Variants in CRYM observed in about 807,000 individuals in gnomAD.
The protein encoded by CRYM is ketimine reductase mu-crystallin.
Under a neutral mutation model 32.9 loss-of-function variants are expected in CRYM, and 18 were observed. The observed-to-expected ratio is 0.55, with a 90% CI of 0.38 to 0.81. The LOEUF is 0.81. CRYM is among the 30% of genes least tolerant of loss of function. CRYM has a pLI of 0.00. For missense variants in CRYM, 337 were observed against 393.5 expected (o/e 0.86, Z 1.21); for synonymous variants, 153 against 152.4 (o/e 1.00, Z -0.03).
At chr16:21,296,961 A>G (rs1216986798) in intron 1 of CRYM, among the ~76,000 whole-genome samples, 2 of 152,076 alleles carry the variant, frequency 1.3e-5, no homozygotes, top group Non-Finnish European at 2.9e-5. Flanking sequence ...GTGAGCCGAG[A>G]TCGCGCCACC....
At chr16:21,265,666 A>G (rs897838964) in intron 5 of CRYM, among the ~76,000 whole-genome samples, 5 of 152,216 alleles carry the variant, frequency 3.3e-5, no homozygotes, top group Admixed American at 6.5e-5. Flanking sequence ...TTCAGTCAGC[A>G]TGTATGATTG....
chr16:21,266,907 T>C (rs984031169), intron 5 of CRYM, among the ~76,000 whole-genome samples: 3 of 151,662 alleles, frequency 2.0e-5, no homozygotes, highest in African/African-American at 7.3e-5. Context: ...CTCGGGAGGC[T>C]GAAGTGGGAG....
chr16:21,279,998 C>T (rs1244812361), upstream of CRYM, among the ~76,000 whole-genome samples: 1 of 152,162 alleles, frequency 6.6e-6, no homozygotes, highest in Non-Finnish European at 1.5e-5. Context: ...AATTTATGCC[C>T]AGAGCCGCTG....
chr16:21,281,526 C>T (rs1047882351), upstream of CRYM, among the ~76,000 whole-genome samples: 5 of 152,082 alleles, frequency 3.3e-5, no homozygotes, highest in Admixed American at 2.0e-4. Context: ...CCACCGTGCC[C>T]GGCTGAAGAT....
At chr16:21,261,837 A>G (rs768787927) in intron 6 of CRYM, 200 bp downstream of exon 6, 1 of 591,554 alleles carries the variant, frequency 1.7e-6, no homozygotes, top group South Asian at 2.0e-5. Flanking sequence ...AGGAACACAC[A>G]TGTCACCACC....
chr16:21,286,220 AT>A (rs35658566), intron 1 of CRYM, among the ~76,000 whole-genome samples: 266 of 145,370 alleles, frequency 1.8e-3, no homozygotes, highest in Admixed American at 3.0e-3. Flanking sequence ...TAAAGACAGA[AT>A]TTTTTTTTTT....
At position 21,269,893 on chromosome 16, in the gene CRYM, T is replaced by C. The variant is rs1284594556; in HGVS notation, c.388-2A>G. 1 of 1,598,574 alleles carries C rather than the reference T, an allele frequency of 6.3e-7. No individual in the cohort carries two copies. The highest frequency in any genetic ancestry group is 8.5e-7 in the Non-Finnish European group (1 of 1,169,596). ...TTCACTGCTGGGAGGTTTCAGAAAC[T>C]ATATGAGAGAAATGAAGTGGCAAAG... On this transcript the variant is annotated splice_acceptor_variant, in intron 3 of 7. Coordinates refer to ENST00000572914, the MANE Select transcript of CRYM (RefSeq NM_001376256.1). LOFTEE classifies it high-confidence loss of function.
Position 21,269,806 on chromosome 16 carries a change from T to C in CRYM, c.473A>G (p.Gln158Arg). Residue 158 changes from glutamine to arginine, a missense_variant, in exon 4 of 8, where the codon CAG becomes CGG. By Grantham distance (43) the Gln-to-Arg change is conservative. Coordinates refer to ENST00000572914, the MANE Select transcript of CRYM (RefSeq NM_001376256.1). ...TGGACTTACCTCCTTAAAGGAGAAC[T>C]GCTCTGTGAAGATCTCATAATGGCT... ...AYSHYEIFTE[Q>R]FSFKEVRIWN... 1.4e-6 allele frequency: 1 copy of C among 721,978 alleles called. No homozygotes were observed. The highest frequency in any genetic ancestry group is 2.3e-6 in the Non-Finnish European group (1 of 440,962). 44.7% of individuals were successfully genotyped at this position (721,978 alleles called of 1,614,324 possible).
Position 21,260,542 on chromosome 16 carries a change from T to C in CRYM, c.880+712A>G, listed in dbSNP as rs536429339. 8.5e-5 allele frequency among the ~76,000 whole-genome samples: 13 copies of C among 152,290 alleles called. No homozygotes were observed. The East Asian group carries it at 2.5e-3, about 29-fold the overall frequency. On this transcript the variant is annotated intron_variant, in intron 7 of 7. Transcript: ENST00000572914. ...CTCAAACTCCTTAGCTCAAGTGATC[T>C]GCCCACCTTGGCCTCCCAAAGTGTT...
chr16:21,266,252 A>C (rs1385759386), intron 5 of CRYM, among the ~76,000 whole-genome samples: 1 of 151,840 alleles, frequency 6.6e-6, no homozygotes, highest in African/African-American at 2.4e-5. Context: ...ACAAACAAAA[A>C]CTTGTGACTT....
At chr16:21,280,258 T>TA (rs1308066527), upstream of CRYM, among the ~76,000 whole-genome samples, 1 of 152,112 alleles carries the variant, frequency 6.6e-6, no homozygotes, top group Non-Finnish European at 1.5e-5. Context: ...CGGGTGCCTG[T>TA]AATCCCAGCT....
intron 4 of CRYM, 127 bp downstream of exon 4, chr16:21,269,663 C>G: frequency 1.5e-6 from 1 of 672,930 alleles, no homozygotes; most frequent in Non-Finnish European, 2.6e-6. Context: ...CATGAAGATA[C>G]AAGAATGGTC....
At chr16:21,294,024 A>G (rs1597630920) in intron 1 of CRYM, among the ~76,000 whole-genome samples, 1 of 152,358 alleles carries the variant, frequency 6.6e-6, no homozygotes, top group East Asian at 1.9e-4. Context: ...GTCAGCAAAA[A>G]GGTAGAATAC....
intron 1 of CRYM, among the ~76,000 whole-genome samples, chr16:21,284,555 CTTTCT>C (rs1048491583): frequency 3.3e-5 from 5 of 152,036 alleles, no homozygotes; most frequent in African/African-American, 1.2e-4. Flanking sequence ...ACATTTCTTT[CTTTCT>C]TTCTTTCTTT....
chr16:21,275,270 GGAGA>G (rs1197265529), intron 3 of CRYM, among the ~76,000 whole-genome samples: 2 of 152,160 alleles, frequency 1.3e-5, no homozygotes, highest in Non-Finnish European at 2.9e-5. Context: ...CCTGGAAGGT[GGAGA>G]GAATTTCTCA....
At chr16:21,299,294 T>C (rs1425078710) in intron 1 of CRYM, among the ~76,000 whole-genome samples, 1 of 151,972 alleles carries the variant, frequency 6.6e-6, no homozygotes, top group Non-Finnish European at 1.5e-5. Flanking sequence ...ATTAGGCTTT[T>C]AGTTTTTTTT....
At chr16:21,270,120 T>C (rs1285193420) in intron 3 of CRYM, among the ~76,000 whole-genome samples, 1 of 152,158 alleles carries the variant, frequency 6.6e-6, no homozygotes, top group Non-Finnish European at 1.5e-5. Flanking sequence ...TTTGCCCCCA[T>C]GATCTCATTT....
chr16:21,298,041 G>C (rs1480151135), intron 1 of CRYM, among the ~76,000 whole-genome samples: 1 of 152,176 alleles, frequency 6.6e-6, no homozygotes, highest in Non-Finnish European at 1.5e-5. Flanking sequence ...CCTTGTATAA[G>C]TAGATGCTTG....
chr16:21,280,617 G>A (rs2093396423), upstream of CRYM, among the ~76,000 whole-genome samples: 1 of 152,110 alleles, frequency 6.6e-6, no homozygotes, highest in Admixed American at 6.5e-5. Flanking sequence ...ACTCTTTGTG[G>A]CAATACGATA....
Sources: gnomAD v4.1 joint callset for allele counts (sites outside exome capture counted in the v4.1 genomes callset) on GRCh38, gnomAD v4.1.1 for gene constraint, MANE v1.5 for transcripts, NCBI Gene and HGNC (gene_info 2026-07-23, HGNC 2026-07-21) for gene names.